The following CDH4 variants were observed in gnomAD, a reference collection of about 807,000 sequenced individuals.
CDH4 encodes the protein cadherin-4.
Under a neutral mutation model 86.0 loss-of-function variants are expected in CDH4, and 33 were observed. The ratio of observed to expected loss-of-function variants is 0.38; its 90% confidence interval spans 0.29 to 0.51. CDH4 has a LOEUF of 0.51. Among genes scored for constraint, CDH4 ranks in the 20% least tolerant of loss-of-function variants. The probability of loss-of-function intolerance (pLI) is 0.86; values close to 1 mark genes in which losing one functional copy is unlikely to be tolerated. For missense variants in CDH4, 1,114 were observed against 1,307.4 expected, an observed-to-expected ratio of 0.85 and a Z score of 2.28; for synonymous variants, 555 against 549.4, an observed-to-expected ratio of 1.01 and a Z score of -0.14.
At chr20:61,853,516 G>C (rs58155968) in intron 6 of CDH4, among the ~76,000 whole-genome samples, 12,051 of 152,154 alleles carry the variant, frequency 0.079, 592 homozygotes, top group East Asian at 0.13. Context: ...TGGCACCGGT[G>C]GTGGCGCCTG....
intron 2 of CDH4, among the ~76,000 whole-genome samples, chr20:61,287,161 T>C (rs2084297343): frequency 6.6e-6 from 1 of 152,164 alleles, no homozygotes; most frequent in Non-Finnish European, 1.5e-5. Context: ...AGCCTTGTCA[T>C]GTGGTGAAGT....
intron 7 of CDH4, among the ~76,000 whole-genome samples, chr20:61,880,764 C>T (rs1214065264): frequency 1.3e-5 from 2 of 152,236 alleles, no homozygotes; most frequent in African/African-American, 2.4e-5. Context: ...TTCCCAGGCA[C>T]GCTGGGCAGT....
chr20:61,797,095 C>A lies in CDH4; in HGVS notation c.576+23913C>A, dbSNP rs778522217. ...TGGGACAGGAAGAGCCCCCCCCCCC[C>A]CAACACTGGCCAGCTCCTGGTGGAC... On this transcript the variant is annotated intron_variant, in intron 4 of 15. Transcript: ENST00000614565. 3.1e-4 allele frequency among the ~76,000 whole-genome samples: 45 copies of A among 144,198 alleles called. No homozygotes were observed. The East Asian group carries it at 8.1e-3, about 26-fold the overall frequency. The allele number at this position is 144,198 out of a possible 152,430, so 94.6% of individuals were successfully genotyped here.
At chr20:61,872,088 A>G (rs1983829924) in intron 6 of CDH4, among the ~76,000 whole-genome samples, 1 of 152,202 alleles carries the variant, frequency 6.6e-6, no homozygotes, top group Non-Finnish European at 1.5e-5. Flanking sequence ...GGAAATAAGC[A>G]GTAGCTTCGG....
Position 61,928,350 on chromosome 20 carries a change from C to A in CDH4, c.1932C>A (p.Ile644=). The part of the protein sequence containing the change: ...TAADADVDPN[I]GPYVFELPFV... The stretch of plus-strand genomic sequence containing the variant: ...CCGACGCTGACGTCGACCCCAACAT[C>A]GGCCCCTACGTCTTCGAGCTGCCCT... Residue 644 remains isoleucine, a synonymous_variant, in exon 12 of 16, where the codon ATC becomes ATA. Coordinates refer to ENST00000614565, the MANE Select transcript of CDH4 (RefSeq NM_001794.5). The A allele has an allele frequency of 6.2e-7, 1 of 1,611,520 alleles. No individual in the cohort carries two copies. Among genetic ancestry groups the A allele is most frequent in the Non-Finnish European group, 8.5e-7 (1 of 1,180,002 alleles).
At chr20:61,524,061 A>G (rs944397134) in intron 2 of CDH4, among the ~76,000 whole-genome samples, 1 of 152,200 alleles carries the variant, frequency 6.6e-6, no homozygotes, top group Non-Finnish European at 1.5e-5. Context: ...CCGTGACTCC[A>G]TCTGTCTCTA....
intron 8 of CDH4, among the ~76,000 whole-genome samples, chr20:61,896,393 A>G (rs915727615): frequency 6.6e-6 from 1 of 152,210 alleles, no homozygotes; most frequent in Non-Finnish European, 1.5e-5. Context: ...TGCGTCCTGC[A>G]TCCCAGGCCT....
chr20:61,638,544 G>A (rs1293174058), intron 2 of CDH4, among the ~76,000 whole-genome samples: 1 of 152,038 alleles, frequency 6.6e-6, no homozygotes, highest in Admixed American at 6.6e-5. Flanking sequence ...GAGGGCAGCC[G>A]GGTGACATGG....
rs1433151833 is a variant in CDH4 at position 61,399,258 on chromosome 20, G to A, written c.169+144321G>A. The stretch of plus-strand genomic sequence containing the variant: ...CGCCATTCTCCTGCCTCAGCCTCCC[G>A]AGTAGCTGGGACTACAGGCGCCCGC... On this transcript the variant is annotated intron_variant, in intron 2 of 15. Coordinates refer to ENST00000614565, the MANE Select transcript of CDH4 (RefSeq NM_001794.5). Among the ~76,000 whole-genome samples the A allele has an allele frequency of 9.7e-5, 10 of 102,694 alleles. 2 individuals carry two copies. Among genetic ancestry groups the A allele is most frequent in the Non-Finnish European group, 9.5e-5 (5 of 52,848 alleles). The allele number at this position is 102,694 out of a possible 152,430, so 67.4% of individuals were successfully genotyped here.
chr20:61,870,302 G>T (rs774551184), intron 6 of CDH4, among the ~76,000 whole-genome samples: 6 of 152,212 alleles, frequency 3.9e-5, no homozygotes, highest in African/African-American at 1.4e-4. Flanking sequence ...AGACCCTCGG[G>T]CCAGCTGGGC....
At chr20:61,615,100 G>T (rs2086714757) in intron 2 of CDH4, among the ~76,000 whole-genome samples, 1 of 146,368 alleles carries the variant, frequency 6.8e-6, no homozygotes, top group Non-Finnish European at 1.5e-5. Context: ...CATACATTTT[G>T]CTTTTTTTGT....
intron 2 of CDH4, among the ~76,000 whole-genome samples, chr20:61,380,687 T>A (rs931754871): frequency 1.3e-5 from 2 of 152,210 alleles, no homozygotes; most frequent in Admixed American, 6.5e-5. Flanking sequence ...ATATGCATTT[T>A]AAAGACCATA....
At chr20:61,816,191 C>T in intron 4 of CDH4, among the ~76,000 whole-genome samples, 1 of 152,176 alleles carries the variant, frequency 6.6e-6, no homozygotes, top group Non-Finnish European at 1.5e-5. Context: ...CCATCATCTT[C>T]CCAAACCTAA....
At chr20:61,258,795 G>C (rs2123117430) in intron 2 of CDH4, among the ~76,000 whole-genome samples, 1 of 152,330 alleles carries the variant, frequency 6.6e-6, no homozygotes, top group South Asian at 2.1e-4. Context: ...GGCTGCTGTG[G>C]TTCCAGTCGT....
At chr20:61,441,770 G>A (rs553465574) in intron 2 of CDH4, among the ~76,000 whole-genome samples, 1 of 152,284 alleles carries the variant, frequency 6.6e-6, no homozygotes, top group South Asian at 2.1e-4. Flanking sequence ...AGAGCTGTGA[G>A]CAATAAATTT....
intron 2 of CDH4, among the ~76,000 whole-genome samples, chr20:61,525,539 A>T (rs1226553019): frequency 2.0e-5 from 3 of 152,130 alleles, no homozygotes; most frequent in Admixed American, 6.5e-5. Context: ...GAGCCTCTCC[A>T]GCTAAGCCCC....
chr20:61,923,096 G>A (rs533380143), intron 9 of CDH4, among the ~76,000 whole-genome samples: 15 of 152,334 alleles, frequency 9.8e-5, no homozygotes, highest in Admixed American at 3.9e-4. Context: ...CCCCACACTA[G>A]GCTCAAAGGA....
chr20:61,852,360 T>C (rs1159370401), intron 5 of CDH4, among the ~76,000 whole-genome samples: 3 of 152,200 alleles, frequency 2.0e-5, no homozygotes, highest in Non-Finnish European at 4.4e-5. Context: ...TAGGCACAAA[T>C]GTCTTTTCTG....
chr20:61,343,299 A>G (rs531939713), intron 2 of CDH4, among the ~76,000 whole-genome samples: 89 of 152,384 alleles, frequency 5.8e-4, no homozygotes, highest in Non-Finnish European at 1.0e-3. Context: ...TTGTGACTTA[A>G]GGTAAAAGAA....
Sources: allele counts gnomAD v4.1 joint callset (sites outside exome capture counted in the v4.1 genomes callset), GRCh38; gene constraint gnomAD v4.1.1; transcripts MANE v1.5; gene names NCBI Gene and HGNC (gene_info 2026-07-23, HGNC 2026-07-21).